KIAA1958: variants seen among roughly 807,000 people sequenced by gnomAD.
KIAA1958 encodes the protein uncharacterized protein KIAA1958.
A neutral mutation model predicts 47.2 loss-of-function variants in KIAA1958; 14 were observed. The ratio of observed to expected loss-of-function variants is 0.30; its 90% CI spans 0.20 to 0.46. The LOEUF (loss-of-function observed/expected upper bound fraction) is 0.46, where lower values mean the gene tolerates loss of function less well. Among genes scored for constraint, KIAA1958 ranks in the 20% least tolerant of loss-of-function variants. The pLI, the probability that KIAA1958 is intolerant of heterozygous loss-of-function variation, is 1.00. For synonymous variants in KIAA1958, 354 were observed against 353.3 expected (o/e 1.00, Z -0.02); for missense variants, 803 against 909.2 (o/e 0.88, Z 1.50).
chr9:112,521,544 A>AT (rs956527651), intron 1 of KIAA1958, among the ~76,000 whole-genome samples: 1 of 152,186 alleles, frequency 6.6e-6, no homozygotes, highest in East Asian at 1.9e-4. Flanking sequence ...TTAGAATAAT[A>AT]TTTTTTAAAG....
chr9:112,620,851 C>T (rs542323265), intron 2 of KIAA1958, among the ~76,000 whole-genome samples: 1 of 151,928 alleles, frequency 6.6e-6, no homozygotes, highest in African/African-American at 2.4e-5. Context: ...AAAATACGTA[C>T]TCGTAAGTCT....
At chr9:112,626,961 C>T (rs1836628085) in intron 2 of KIAA1958, among the ~76,000 whole-genome samples, 1 of 152,080 alleles carries the variant, frequency 6.6e-6, no homozygotes, top group Non-Finnish European at 1.5e-5. Flanking sequence ...AATTGTTAAC[C>T]ACTGCTGCTA....
chr9:112,544,292 A>G (rs551543989), intron 1 of KIAA1958, among the ~76,000 whole-genome samples: 2 of 152,330 alleles, frequency 1.3e-5, no homozygotes, highest in East Asian at 1.9e-4. Context: ...CCACTATTCA[A>G]TCCTTTTGTT....
intron 1 of KIAA1958, among the ~76,000 whole-genome samples, chr9:112,503,492 A>T (rs1308961607): frequency 6.6e-6 from 1 of 151,712 alleles, no homozygotes; most frequent in Admixed American, 6.6e-5. Context: ...TACAAAAAAT[A>T]AAAAAAATTA....
intron 1 of KIAA1958, among the ~76,000 whole-genome samples, chr9:112,551,036 GTTTTT>G (rs201387967): frequency 8.2e-6 from 1 of 122,666 alleles, no homozygotes; most frequent in Non-Finnish European, 1.8e-5. Context: ...CTGCATAGTT[GTTTTT>G]TTTTTTTTTT....
intron 1 of KIAA1958, among the ~76,000 whole-genome samples, chr9:112,511,094 C>G (rs1834318683): frequency 6.6e-6 from 1 of 152,072 alleles, no homozygotes; most frequent in South Asian, 2.1e-4. Flanking sequence ...GCTTCTGTTT[C>G]CTCAGCAAGA....
chr9:112,503,141 A>G (rs543133341), intron 1 of KIAA1958, among the ~76,000 whole-genome samples: 2 of 152,332 alleles, frequency 1.3e-5, no homozygotes, highest in African/African-American at 4.8e-5. Context: ...GAAAAAAAGC[A>G]GGAAAGGGGG....
chr9:112,639,477 C>T (rs1836859937), intron 2 of KIAA1958, among the ~76,000 whole-genome samples: 1 of 152,180 alleles, frequency 6.6e-6, no homozygotes, highest in Admixed American at 6.5e-5. Context: ...GGCTATGACA[C>T]CTTATGCCAG....
chr9:112,537,102 C>G (rs1834868102), intron 1 of KIAA1958, among the ~76,000 whole-genome samples: 1 of 146,796 alleles, frequency 6.8e-6, no homozygotes, highest in Non-Finnish European at 1.5e-5. Flanking sequence ...CCTCTCTTCT[C>G]TTTTCTTTTC....
chr9:112,555,443 T>G (rs1371116409), intron 1 of KIAA1958, among the ~76,000 whole-genome samples: 1 of 152,218 alleles, frequency 6.6e-6, no homozygotes, highest in Non-Finnish European at 1.5e-5. Context: ...AAATGCCTCT[T>G]GGAAACCAAG....
Position 112,668,699 on chromosome 9 carries a change from A to G in KIAA1958, c.*8630A>G, listed in dbSNP as rs1268965801. The G allele has an allele frequency of 6.6e-6, 1 of 152,240 alleles. No individual in the cohort carries two copies. Among genetic ancestry groups the G allele is most frequent in the East Asian group, 1.9e-4 (1 of 5,200 alleles). 9.4% of individuals were successfully genotyped at this position (152,240 alleles called of 1,614,324 possible). A position where few individuals can be genotyped will look rare whatever the true frequency, so the allele number is the denominator to read the frequency against. Reference sequence around the variant, plus strand: ...TCAATGACACCAGCATGTTTGCTTTAAATTTAGCAATAGAATAGGCAATGG... The same window carrying G: ...TCAATGACACCAGCATGTTTGCTTTGAATTTAGCAATAGAATAGGCAATGG... On this transcript the variant is annotated 3_prime_UTR_variant, in exon 4 of 4. Transcript: ENST00000337530.
chr9:112,552,807 C>A (rs895730306), intron 1 of KIAA1958, among the ~76,000 whole-genome samples: 6 of 152,168 alleles, frequency 3.9e-5, no homozygotes, highest in Admixed American at 1.3e-4. Context: ...CAACTCTTAG[C>A]TCCAAGTTGG....
intron 1 of KIAA1958, among the ~76,000 whole-genome samples, chr9:112,545,944 T>G (rs554750297): frequency 6.6e-6 from 1 of 151,970 alleles, no homozygotes; most frequent in Admixed American, 6.6e-5. Flanking sequence ...GTCAGATGCT[T>G]TGTGAGTCTC....
chr9:112,659,277 G>T lies in KIAA1958; in HGVS notation c.1359G>T (p.Lys453Asn). ...TCTCATTTGAGATCCCTGCAGTGAA[G>T]TTGAACGAGCTGCTCGAGAACTTTT... ...HTDITKIPAV[K>N]LNELLENFYV... Residue 453 changes from lysine to asparagine, a missense_variant, in exon 4 of 4, where the codon AAG becomes AAT. Transcript: ENST00000337530. 1 of 1,612,462 alleles carries T rather than the reference G, an allele frequency of 6.2e-7. No individual in the cohort carries two copies. The highest frequency in any genetic ancestry group is 8.5e-7 in the Non-Finnish European group (1 of 1,179,158).
At chr9:112,520,177 A>G (rs1414400388) in intron 1 of KIAA1958, among the ~76,000 whole-genome samples, 1 of 152,222 alleles carries the variant, frequency 6.6e-6, no homozygotes, top group Admixed American at 6.5e-5. Context: ...CTTAAGATGG[A>G]AAATAGAAAA....
At chr9:112,647,487 C>G (rs944334872) in intron 3 of KIAA1958, among the ~76,000 whole-genome samples, 1 of 151,540 alleles carries the variant, frequency 6.6e-6, no homozygotes, top group Non-Finnish European at 1.5e-5. Flanking sequence ...AAAAAAACAG[C>G]GCTGAAGGAA....
chr9:112,527,013 C>G (rs1834669651), intron 1 of KIAA1958, among the ~76,000 whole-genome samples: 1 of 152,182 alleles, frequency 6.6e-6, no homozygotes. Context: ...ACCAACTTAT[C>G]ATCTTAACTT....
chr9:112,664,192 G>A lies in KIAA1958; in HGVS notation c.*4123G>A, dbSNP rs1452113885. On this transcript the variant is annotated 3_prime_UTR_variant, in exon 4 of 4. Transcript: ENST00000337530. ...CTAATTAAGTGCTTCTCACTATATT[G>A]GGATGCCTTCTTTAGGAATAAGACT... The A allele has an allele frequency of 6.6e-6, 1 of 152,206 alleles. No homozygotes were observed. Among genetic ancestry groups the A allele is most frequent in the Non-Finnish European group, 1.5e-5 (1 of 68,042 alleles). The allele number at this position is 152,206 out of a possible 1,614,324, so 9.4% of individuals were successfully genotyped here.
intron 1 of KIAA1958, among the ~76,000 whole-genome samples, chr9:112,503,576 C>T (rs1834181515): frequency 7.2e-6 from 1 of 139,556 alleles, no homozygotes; most frequent in African/African-American, 2.7e-5. Context: ...GTGTTCATAC[C>T]ACTGTACTCC....
Sources: allele counts gnomAD v4.1 joint callset (sites outside exome capture counted in the v4.1 genomes callset), GRCh38; gene constraint gnomAD v4.1.1; transcripts MANE v1.5; gene names NCBI Gene and HGNC (gene_info 2026-07-23, HGNC 2026-07-21).